Variants in TSC1 observed in about 807,000 individuals in gnomAD.
The protein encoded by TSC1 is hamartin.
A neutral mutation model predicts 124.3 loss-of-function variants in TSC1; 20 were observed. The ratio of observed to expected loss-of-function variants is 0.16; its 90% confidence interval spans 0.11 to 0.23. The LOEUF is 0.23. Among genes scored for constraint, TSC1 ranks in the 10% least tolerant of loss-of-function variants. The probability of loss-of-function intolerance (pLI) is 1.00; values close to 1 mark genes in which losing one functional copy is unlikely to be tolerated. For synonymous variants in TSC1, 493 were observed against 539.1 expected (o/e 0.91, Z 1.19); for missense variants, 1,124 against 1,448.5 (o/e 0.78, Z 3.64).
chr9:132,907,092 G>A lies in TSC1; in HGVS notation c.1333+209C>T, dbSNP rs7872860. Reference sequence around the variant, plus strand: ...TCTGAAAAGAGATATAGTCAAGTCAGAATACAGGTACTTCACTGCAATAGC... The same window carrying A: ...TCTGAAAAGAGATATAGTCAAGTCAAAATACAGGTACTTCACTGCAATAGC... On this transcript the variant is annotated intron_variant, in intron 13 of 22. Transcript: ENST00000298552. 0.16 allele frequency among the ~76,000 whole-genome samples: 23,819 copies of A among 152,100 alleles called. 1,975 individuals carry two copies. Among genetic ancestry groups the A allele is most frequent in the African/African-American group, 0.21 (8,890 of 41,464 alleles).
In TSC1 at chr9:132,925,714, T is replaced by C. The variant is rs373855276; in HGVS notation, c.236A>G (p.Tyr79Cys). ...DKHLLDRINE[Y>C]VGKAATRLSI... ...TAAACGAGTGGCGGCTTTGCCCACA[T>C]ATTCGTTAATCCTGTCCAAGAGGTG... Residue 79 changes from tyrosine to cysteine, a missense_variant, in exon 5 of 23, where the codon TAT becomes TGT. Coordinates refer to ENST00000298552, the MANE Select transcript of TSC1 (RefSeq NM_000368.5). The C allele has an allele frequency of 6.2e-7, 1 of 1,614,210 alleles. No individual in the cohort carries two copies. The highest frequency in any genetic ancestry group is 1.7e-5 in the Admixed American group (1 of 60,028).
At position 132,906,910 on chromosome 9, in the gene TSC1, T is replaced by G; in HGVS notation, c.1334-75A>C. On this transcript the variant is annotated intron_variant, in intron 13 of 22. Coordinates refer to ENST00000298552, the MANE Select transcript of TSC1 (RefSeq NM_000368.5). The surrounding 1 kb of genome is among the most constrained non-coding windows in gnomAD (Gnocchi z 4.1). Reference sequence around the variant, plus strand: ...TGTAAGTGTAAAACTGCTTACACTGTATAGAATATGTCTGTAATAACTCTT... The same window carrying G: ...TGTAAGTGTAAAACTGCTTACACTGGATAGAATATGTCTGTAATAACTCTT... 8.8e-6 allele frequency: 10 copies of G among 1,141,430 alleles called. No individual in the cohort carries two copies. In the South Asian group the frequency reaches 1.3e-4, roughly 14 times the overall value. The allele number at this position is 1,141,430 out of a possible 1,614,324, so 70.7% of individuals were successfully genotyped here.
rs1422700714 is a variant in TSC1 at position 132,922,019 on chromosome 9, T to C, written c.509-46A>G. The C allele has an allele frequency of 6.2e-6, 10 of 1,613,246 alleles. No homozygotes were observed. In the South Asian group the frequency reaches 7.7e-5, roughly 12 times the overall value. ...GAAGAGCCTCTTAGTTGGAGACAGA[T>C]TGAGGAGTGCAAAACAGCTATAAAC... On this transcript the variant is annotated intron_variant, in intron 6 of 22. Coordinates refer to ENST00000298552, the MANE Select transcript of TSC1 (RefSeq NM_000368.5).
intron 2 of TSC1, among the ~76,000 whole-genome samples, chr9:132,933,604 C>T (rs886367443): frequency 2.0e-5 from 3 of 152,066 alleles, no homozygotes; most frequent in African/African-American, 7.2e-5. Flanking sequence ...CTGCTTTGTC[C>T]AAAAATGTTA....
intron 8 of TSC1, chr9:132,912,791 AGGTCATC>A: frequency 6.0e-6 from 2 of 331,558 alleles, no homozygotes; most frequent in African/African-American, 2.2e-5. Flanking sequence ...TTTGGAACAA[AGGTCATC>A]AAAAAATAGG....
At chr9:132,925,403 T>C (rs570747633) in intron 5 of TSC1, among the ~76,000 whole-genome samples, 184 bp downstream of exon 5, 6 of 152,310 alleles carry the variant, frequency 3.9e-5, no homozygotes, top group African/African-American at 1.4e-4. Context: ...TCAATAGTCA[T>C]AGTGATGTAT....
At chr9:132,941,430 T>C (rs151263426) in intron 1 of TSC1, 3 of 152,320 alleles carry the variant, frequency 2.0e-5, no homozygotes, top group Non-Finnish European at 2.9e-5. Flanking sequence ...CTCTTTCAGA[T>C]GAATTTAAAT....
intron 1 of TSC1, among the ~76,000 whole-genome samples, chr9:132,942,656 C>G (rs1847801666): frequency 2.6e-5 from 4 of 152,192 alleles, no homozygotes; most frequent in Admixed American, 2.0e-4. Context: ...GCTTTCTAAC[C>G]AGGAATTTAG....
At chr9:132,940,936 T>C (rs1472849912) in intron 1 of TSC1, 2 of 152,200 alleles carry the variant, frequency 1.3e-5, no homozygotes, top group Non-Finnish European at 2.9e-5. Flanking sequence ...TCTTAATGAT[T>C]GCAGACATTA....
At position 132,906,856 on chromosome 9, in the gene TSC1, C is replaced by T. The variant is rs370282583; in HGVS notation, c.1334-21G>A. On this transcript the variant is annotated intron_variant, in intron 13 of 22. Transcript: ENST00000298552. The surrounding 1 kb of genome is among the most constrained non-coding windows in gnomAD (Gnocchi z 4.1). ...CTCTTCTGAAGAGAAACAAAGACAA[C>T]TGAAGTCAAAGAAATACAGTGTAAT... The T allele has an allele frequency of 3.7e-6, 6 of 1,600,348 alleles. No homozygotes were observed. Among genetic ancestry groups the T allele is most frequent in the Non-Finnish European group, 4.3e-6 (5 of 1,167,760 alleles).
intron 1 of TSC1, chr9:132,943,624 A>T (rs1018147921): frequency 6.6e-6 from 1 of 152,212 alleles, no homozygotes; most frequent in African/African-American, 2.4e-5. Flanking sequence ...ATTTGAGAAG[A>T]TTGGAGGTGT....
rs1845095834 is a variant in TSC1, at chr9:132,896,812, G to A, written c.2976-58C>T. The A allele has an allele frequency of 1.9e-6, 3 of 1,612,508 alleles. No homozygotes were observed. Among genetic ancestry groups the A allele is most frequent in the Non-Finnish European group, 2.5e-6 (3 of 1,179,576 alleles). On this transcript the variant is annotated intron_variant, in intron 22 of 22. Coordinates refer to ENST00000298552, the MANE Select transcript of TSC1 (RefSeq NM_000368.5). The surrounding 1 kb of genome is among the most constrained non-coding windows in gnomAD (Gnocchi z 4.5). ...GGTGATTGGACTGTCCACATTCGGAGGATGTGGAATTACACTGACACTCAC... is the reference window on the plus strand; with the variant it reads ...GGTGATTGGACTGTCCACATTCGGAAGATGTGGAATTACACTGACACTCAC...
chr9:132,900,331 G>GAAA (rs36000704), intron 20 of TSC1: 3 of 237,984 alleles, frequency 1.3e-5, no homozygotes, highest in African/African-American at 2.3e-5. Flanking sequence ...ACATTAAAAG[G>GAAA]AAAAAAAAAA....
At chr9:132,942,671 G>A (rs879311130) in intron 1 of TSC1, among the ~76,000 whole-genome samples, 17 of 152,226 alleles carry the variant, frequency 1.1e-4, no homozygotes, top group Admixed American at 5.2e-4. Context: ...ATTTAGGAAC[G>A]TACCAAGTGT....
At chr9:132,909,260 T>G (rs1183839426) in intron 12 of TSC1, among the ~76,000 whole-genome samples, 1 of 152,200 alleles carries the variant, frequency 6.6e-6, no homozygotes, top group Non-Finnish European at 1.5e-5. Context: ...TATCATACAT[T>G]GGACACTCTG....
At chr9:132,916,092 C>T (rs1846260200) in intron 8 of TSC1, among the ~76,000 whole-genome samples, 1 of 152,148 alleles carries the variant, frequency 6.6e-6, no homozygotes, top group Non-Finnish European at 1.5e-5. Flanking sequence ...CAGTATTTCC[C>T]TGCTTCTTAA....
chr9:132,906,787 C>G lies in TSC1; in HGVS notation c.1382G>C (p.Gly461Ala), dbSNP rs140953644. Residue 461 changes from glycine (G) to alanine (A), a missense_variant, in exon 14 of 23, where the codon GGG becomes GCG. Gly to Ala is a moderately conservative substitution (Grantham distance 60). Around this residue, in one of 5 missense-constraint regions of TSC1, gnomAD observed 463 missense variants for 606.8 expected, o/e 0.76. Coordinates refer to ENST00000298552, the MANE Select transcript of TSC1 (RefSeq NM_000368.5). This position sits in a 1 kb window ranked among gnomAD's most constrained non-coding sequence, Gnocchi z 4.1. Reference protein sequence around the residue: ...KGSVTLSDLPGFLGDLASEED... With the variant: ...KGSVTLSDLPAFLGDLASEED... ...TTCAGAGGCCAGATCACCTAAAAAC[C>G]CTGGAAGATCACTTAGAGTGACAGA... 6.2e-7 allele frequency: 1 copy of G among 1,614,120 alleles called. No homozygotes were observed. The highest frequency in any genetic ancestry group is 1.1e-5 in the South Asian group (1 of 91,070).
At chr9:132,912,805 T>C (rs541458723) in intron 8 of TSC1, 1 of 308,564 alleles carries the variant, frequency 3.2e-6, no homozygotes, top group Admixed American at 4.8e-5. Flanking sequence ...CATCAAAAAA[T>C]AGGGAGACCT....
chr9:132,911,227 C>T, intron 10 of TSC1, 114 bp from the exon 11 acceptor site: 4 of 918,394 alleles, frequency 4.4e-6, no homozygotes, highest in Middle Eastern at 4.2e-4. Flanking sequence ...TAGAAAAAGG[C>T]ATCTTATTAA....
Sources: allele counts gnomAD v4.1 joint callset (sites outside exome capture counted in the v4.1 genomes callset), GRCh38; gene constraint gnomAD v4.1.1; regional missense constraint gnomAD v4.1.1; non-coding constraint Gnocchi (gnomAD v3.1); transcripts MANE v1.5; gene names NCBI Gene and HGNC (gene_info 2026-07-23, HGNC 2026-07-21).